Variants in UBE3A observed in about 807,000 individuals in gnomAD.
UBE3A encodes ubiquitin-protein ligase E3A.
Under a neutral mutation model 83.4 loss-of-function variants are expected in UBE3A, and 6 were observed. The observed-to-expected ratio is 0.07, with a 90% CI of 0.04 to 0.14. The LOEUF (loss-of-function observed/expected upper bound fraction) is 0.14. Ranked by LOEUF, UBE3A falls within the 10% of genes least tolerant of loss-of-function variation. UBE3A has a pLI of 1.00. For synonymous variants in UBE3A, 337 were observed against 355.4 expected (o/e 0.95, Z 0.58); for missense variants, 456 against 1,036.1 (o/e 0.44, Z 7.69).
intron 1 of UBE3A, among the ~76,000 whole-genome samples, chr15:25,423,456 C>A (rs1429837280): frequency 6.6e-6 from 1 of 152,140 alleles, no homozygotes; most frequent in Non-Finnish European, 1.5e-5. Context: ...GAAAAAATAA[C>A]AGGTACCATC....
At position 25,370,782 on chromosome 15, in the gene UBE3A, G is replaced by A; in HGVS notation, c.1392C>T (p.Phe464=). 6.2e-7 allele frequency: 1 copy of A among 1,613,910 alleles called. No individual in the cohort carries two copies. The highest frequency in any genetic ancestry group is 2.2e-5 in the East Asian group (1 of 44,876). The part of the protein sequence containing the change: ...VLEMDKDYTF[F]KVETENKFSF... Reference sequence around the variant, plus strand: ...AGAATTTGTTCTCTGTTTCTACTTTGAAAAAAGTATAATCTTTATCCATTT... The same window carrying A: ...AGAATTTGTTCTCTGTTTCTACTTTAAAAAAAGTATAATCTTTATCCATTT... Residue 464 remains phenylalanine, a synonymous_variant, in exon 6 of 13, where the codon TTC becomes TTT. Coordinates refer to ENST00000648336, the MANE Select transcript of UBE3A (RefSeq NM_130839.5). This position sits in a 1 kb window ranked among gnomAD's most constrained non-coding sequence, Gnocchi z 4.2.
At chr15:25,369,160 G>C (rs1392405360) in intron 6 of UBE3A, among the ~76,000 whole-genome samples, 2 of 151,954 alleles carry the variant, frequency 1.3e-5, no homozygotes, top group Non-Finnish European at 2.9e-5. Context: ...GCTGCCTTAT[G>C]ATCAGTCATT....
chr15:25,414,901 G>C (rs1187442155), intron 1 of UBE3A, among the ~76,000 whole-genome samples: 1 of 152,176 alleles, frequency 6.6e-6, no homozygotes, highest in East Asian at 1.9e-4. Context: ...CAGACTTCAA[G>C]AGAACATGTG....
In UBE3A at chr15:25,371,005, T is replaced by C. The variant is rs147446244; in HGVS notation, c.1169A>G (p.Asn390Ser). ...GATGGGCTCTTCATCATCTTCTTCA[T>C]TGTGATTTGTGTCCACTTCCCCTCC... ...VVGGEVDTNHNEEDDEEPIPE... is the reference protein window; with the variant it reads ...VVGGEVDTNHSEEDDEEPIPE... The change falls in exon 6 of 13, where the codon AAT becomes AGT. Residue 390 changes from asparagine (N) to serine (S), a missense_variant. Asn to Ser is a conservative substitution (Grantham distance 46). Transcript: ENST00000648336. The surrounding 1 kb of genome is among the most constrained non-coding windows in gnomAD (Gnocchi z 5.3). 8.7e-6 allele frequency: 14 copies of C among 1,613,996 alleles called. No homozygotes were observed. Among genetic ancestry groups the C allele is most frequent in the African/African-American group, 8.0e-5 (6 of 74,914 alleles).
At chr15:25,426,602 G>A (rs567633127) in intron 1 of UBE3A, among the ~76,000 whole-genome samples, 7 of 152,200 alleles carry the variant, frequency 4.6e-5, no homozygotes, top group South Asian at 2.1e-4. Context: ...GCACTTAAAC[G>A]CATAAAACAA....
At chr15:25,344,402 T>C (rs1376579775) in intron 11 of UBE3A, among the ~76,000 whole-genome samples, 1 of 152,148 alleles carries the variant, frequency 6.6e-6, no homozygotes, top group Non-Finnish European at 1.5e-5. Flanking sequence ...AGGCCATACT[T>C]TGCATCTAAA....
At position 25,370,012 on chromosome 15, in the gene UBE3A, A is replaced by G. The variant is rs2080043060; in HGVS notation, c.1608+554T>C. Among the ~76,000 whole-genome samples the G allele has an allele frequency of 6.6e-6, 1 of 152,216 alleles. No homozygotes were observed. The highest frequency in any genetic ancestry group is 1.5e-5 in the Non-Finnish European group (1 of 68,046). On this transcript the variant is annotated intron_variant, in intron 6 of 12. Coordinates refer to ENST00000648336, the MANE Select transcript of UBE3A (RefSeq NM_130839.5). This position sits in a 1 kb window ranked among gnomAD's most constrained non-coding sequence, Gnocchi z 4.2. ...TTTTTAAGTGGGAAGAAACTACCAC[A>G]GCCAGGCAGTGCCGTCCACACAGGG...
chr15:25,391,345 G>C (rs2084331962), intron 4 of UBE3A, among the ~76,000 whole-genome samples: 2 of 152,194 alleles, frequency 1.3e-5, no homozygotes, highest in Non-Finnish European at 2.9e-5. Context: ...ATAGGAAGAA[G>C]GGGGAAAAGA....
At chr15:25,418,132 C>T (rs1422696281) in intron 1 of UBE3A, 7 of 152,038 alleles carry the variant, frequency 4.6e-5, no homozygotes, top group Non-Finnish European at 1.0e-4. Context: ...AGTATTTATA[C>T]ATCTAAACCT....
At chr15:25,438,322 G>A (rs1170645148) in intron 1 of UBE3A, 167 bp downstream of exon 1, 2 of 152,398 alleles carry the variant, frequency 1.3e-5, no homozygotes, top group Non-Finnish European at 2.9e-5. Flanking sequence ...GGCCACCAGG[G>A]GCCTACTTCT....
chr15:25,342,937 A>G (rs1278075003), intron 11 of UBE3A, among the ~76,000 whole-genome samples: 1 of 152,204 alleles, frequency 6.6e-6, no homozygotes, highest in Non-Finnish European at 1.5e-5. Flanking sequence ...GGCACCATGC[A>G]TGAAAGGAAG....
intron 11 of UBE3A, among the ~76,000 whole-genome samples, chr15:25,349,243 T>C (rs140248616): frequency 3.0e-3 from 455 of 152,298 alleles, no homozygotes; most frequent in Non-Finnish European, 4.8e-3. Flanking sequence ...ACATCCACTG[T>C]CTAACAGCAT....
chr15:25,334,306 AATC>A lies in UBE3A; in HGVS notation c.*4828_*4830del, dbSNP rs2073858148. 6.6e-6 allele frequency: 1 copy of A among 152,156 alleles called. No homozygotes were observed. The highest frequency in any genetic ancestry group is 1.5e-5 in the Non-Finnish European group (1 of 68,028). The allele number at this position is 152,156 out of a possible 1,614,324, so 9.4% of individuals were successfully genotyped here. ...AATACAAAAATAAAAATTAGAAAAT[AATC>A]ATATAATTAAAGTGGCATCAGTAAA... On this transcript the variant is annotated 3_prime_UTR_variant, in exon 13 of 13. Transcript: ENST00000648336.
rs1180644156 is a variant in UBE3A, at chr15:25,438,837, G to C, written c.-513C>G. 2 of 152,832 alleles carry C rather than the reference G, an allele frequency of 1.3e-5. No homozygotes were observed. Among genetic ancestry groups the C allele is most frequent in the Non-Finnish European group, 2.9e-5 (2 of 68,616 alleles). The allele number at this position is 152,832 out of a possible 1,614,324, so 9.5% of individuals were successfully genotyped here. ...CGGCAGAGGTGAAGCGTAAGTAGGC[G>C]GCGGATGGCGGGCGCCCGCGCTGGC... On this transcript the variant is annotated 5_prime_UTR_variant, in exon 1 of 13. Transcript: ENST00000648336.
intron 11 of UBE3A, among the ~76,000 whole-genome samples, chr15:25,350,193 C>CA (rs1595512639): frequency 1.3e-5 from 2 of 152,060 alleles, no homozygotes; most frequent in East Asian, 3.9e-4. Flanking sequence ...CCCAGATACT[C>CA]AGAGGACTGA....
rs3043907 is a variant in UBE3A at position 25,360,829 on chromosome 15, C to CAGTT, written c.1609-303_1609-302insAACT. On this transcript the variant is annotated intron_variant, in intron 6 of 12. Coordinates refer to ENST00000648336, the MANE Select transcript of UBE3A (RefSeq NM_130839.5). ...ACTTGTGTGTTAAGTCTGGACTACA[C>CAGTT]AGGACATGGAAAAGCAGCTAAATCA... Among the ~76,000 whole-genome samples, 45,902 of 151,792 alleles carry CAGTT rather than the reference C, an allele frequency of 0.3. 8,660 individuals are homozygous for CAGTT. The highest frequency in any genetic ancestry group is 0.54 in the African/African-American group (22,120 of 41,290).
At chr15:25,435,767 C>T (rs1894875450) in intron 1 of UBE3A, among the ~76,000 whole-genome samples, 1 of 152,128 alleles carries the variant, frequency 6.6e-6, no homozygotes, top group Non-Finnish European at 1.5e-5. Flanking sequence ...CCAGAACAGA[C>T]TAAGACATCT....
chr15:25,338,437 TTTG>T lies in UBE3A; in HGVS notation c.*697_*699del, dbSNP rs999197131. 1.1e-4 allele frequency: 17 copies of T among 152,072 alleles called. No homozygotes were observed. The highest frequency in any genetic ancestry group is 4.1e-4 in the African/African-American group (17 of 41,404). The allele number at this position is 152,072 out of a possible 1,614,324, so 9.4% of individuals were successfully genotyped here. A position where few individuals can be genotyped will look rare whatever the true frequency, so the allele number is the denominator to read the frequency against. ...ACGACATACTGTGGCATGAGTTGTTTTTGTTTTTAATTTGTTGTGCTGTTACTA... is the reference window on the plus strand; with the variant it reads ...ACGACATACTGTGGCATGAGTTGTTTTTTTTAATTTGTTGTGCTGTTACTA... On this transcript the variant is annotated 3_prime_UTR_variant, in exon 13 of 13. Coordinates refer to ENST00000648336, the MANE Select transcript of UBE3A (RefSeq NM_130839.5).
At chr15:25,403,198 T>C (rs1481546551) in intron 4 of UBE3A, among the ~76,000 whole-genome samples, 1 of 152,188 alleles carries the variant, frequency 6.6e-6, no homozygotes, top group African/African-American at 2.4e-5. Context: ...AATGAGATTC[T>C]CCTACTCTGA....
Sources: gnomAD v4.1 joint callset for allele counts (sites outside exome capture counted in the v4.1 genomes callset) on GRCh38, gnomAD v4.1.1 for gene constraint, Gnocchi (gnomAD v3.1) non-coding constraint, MANE v1.5 for transcripts, NCBI Gene and HGNC (gene_info 2026-07-23, HGNC 2026-07-21) for gene names.